WWOX: variants seen among roughly 807,000 people sequenced by gnomAD.
WWOX encodes the protein WW domain containing oxidoreductase, also known as WW domain-containing oxidoreductase.
In WWOX, 69 loss-of-function variants were observed where a neutral mutation model predicts 46.2. That is an observed-to-expected ratio of 1.49 (90% confidence interval 1.23 to 1.82). WWOX has a LOEUF of 1.82. WWOX is among the 40% of genes most tolerant of loss of function. The probability of loss-of-function intolerance (pLI) is 0.00; values close to 1 mark genes in which losing one functional copy is unlikely to be tolerated. For synonymous variants in WWOX, 359 were observed against 202.6 expected (o/e 1.77, Z -6.56); for missense variants, 919 against 542.6 (o/e 1.69, Z -6.89).
intron 8 of WWOX, among the ~76,000 whole-genome samples, chr16:78,589,597 C>T (rs375826800): frequency 2.0e-5 from 3 of 152,140 alleles, no homozygotes; most frequent in Non-Finnish European, 4.4e-5. Flanking sequence ...GGTTAAGTTA[C>T]AGTAGAGAAG....
At chr16:78,448,211 C>A (rs1175071551) in intron 8 of WWOX, among the ~76,000 whole-genome samples, 2 of 152,184 alleles carry the variant, frequency 1.3e-5, no homozygotes, top group African/African-American at 4.8e-5. Context: ...CCCTTCAGCT[C>A]ATTTTCTGAA....
chr16:78,841,480 G>C (rs1282395706), intron 8 of WWOX, among the ~76,000 whole-genome samples: 1 of 152,160 alleles, frequency 6.6e-6, no homozygotes, highest in Non-Finnish European at 1.5e-5. Context: ...TTACACCATG[G>C]AAAGTGGCAA....
At chr16:78,168,374 T>G (rs1340045363) in intron 5 of WWOX, 1 of 151,978 alleles carries the variant, frequency 6.6e-6, no homozygotes, top group Non-Finnish European at 1.5e-5. Context: ...CAAATCCCTG[T>G]CATATGCTGT....
At chr16:79,046,535 C>G (rs996021165) in intron 8 of WWOX, among the ~76,000 whole-genome samples, 9 of 152,186 alleles carry the variant, frequency 5.9e-5, no homozygotes, top group African/African-American at 2.2e-4. Flanking sequence ...GTCTGCCCTT[C>G]TTGTGCATCT....
chr16:78,577,881 G>A (rs974832289), intron 8 of WWOX, among the ~76,000 whole-genome samples: 6 of 152,022 alleles, frequency 3.9e-5, no homozygotes, highest in Non-Finnish European at 7.4e-5. Flanking sequence ...CAGGATTTCC[G>A]TTTGACAGAA....
intron 8 of WWOX, among the ~76,000 whole-genome samples, chr16:78,513,785 AC>A (rs1365514956): frequency 2.0e-5 from 3 of 152,166 alleles, no homozygotes; most frequent in Non-Finnish European, 4.4e-5. Flanking sequence ...TTCCAAACTT[AC>A]GTCACCACTT....
At chr16:78,765,997 G>C (rs1052313199) in intron 8 of WWOX, among the ~76,000 whole-genome samples, 2 of 152,170 alleles carry the variant, frequency 1.3e-5, no homozygotes, top group African/African-American at 4.8e-5. Context: ...AGGAAATACA[G>C]CTGGAGAGAC....
intron 8 of WWOX, among the ~76,000 whole-genome samples, chr16:79,137,495 T>C (rs147966598): frequency 5.1e-4 from 78 of 152,282 alleles, no homozygotes; most frequent in African/African-American, 1.8e-3. Flanking sequence ...GTAGTTTCCT[T>C]TCTCTCACTT....
intron 8 of WWOX, among the ~76,000 whole-genome samples, chr16:79,006,947 T>C (rs896857841): frequency 6.6e-6 from 1 of 152,134 alleles, no homozygotes; most frequent in African/African-American, 2.4e-5. Flanking sequence ...ATCAGCTGAT[T>C]AGCAACGTCA....
intron 8 of WWOX, among the ~76,000 whole-genome samples, chr16:79,024,470 G>T (rs540316217): frequency 6.6e-6 from 1 of 152,070 alleles, no homozygotes; most frequent in Non-Finnish European, 1.5e-5. Flanking sequence ...GTTTTGCTCT[G>T]TTGCCCAGGC....
chr16:79,103,051 C>T (rs929229002), intron 8 of WWOX, among the ~76,000 whole-genome samples: 1 of 152,026 alleles, frequency 6.6e-6, no homozygotes, highest in Non-Finnish European at 1.5e-5. Flanking sequence ...TTGCTTCTTG[C>T]TTTGGGCAAG....
Position 78,632,908 on chromosome 16 carries a change from T to C in WWOX, c.1056+200156T>C, listed in dbSNP as rs118118893. Among the ~76,000 whole-genome samples the C allele has an allele frequency of 7.2e-5, 11 of 151,940 alleles. No homozygotes were observed. In the East Asian group the frequency reaches 2.0e-3, roughly 27 times the overall value. On this transcript the variant is annotated intron_variant, in intron 8 of 8. Coordinates refer to ENST00000566780, the MANE Select transcript of WWOX (RefSeq NM_016373.4). ...GCCTCTCCACCCCTGCTACGTGTAATAGAAAGGTAGGGCCATGTTGGAGAG... is the reference window on the plus strand; with the variant it reads ...GCCTCTCCACCCCTGCTACGTGTAACAGAAAGGTAGGGCCATGTTGGAGAG...
intron 8 of WWOX, chr16:79,106,505 G>A (rs1297926940): frequency 4.0e-5 from 6 of 150,638 alleles, no homozygotes. Flanking sequence ...TTTGGAGTAT[G>A]AGTGCGTATT....
chr16:78,910,207 A>C (rs1020522600), intron 8 of WWOX, among the ~76,000 whole-genome samples: 1 of 152,146 alleles, frequency 6.6e-6, no homozygotes, highest in Non-Finnish European at 1.5e-5. Context: ...CCAAAGAAGC[A>C]TGAACTGTCA....
intron 8 of WWOX, among the ~76,000 whole-genome samples, chr16:78,486,267 C>T (rs1228666415): frequency 6.6e-6 from 1 of 152,148 alleles, no homozygotes; most frequent in East Asian, 1.9e-4. Context: ...TGTGTAGTCC[C>T]ATACCATTTT....
intron 8 of WWOX, among the ~76,000 whole-genome samples, chr16:78,836,868 A>G (rs56062530): frequency 2.0e-5 from 3 of 151,970 alleles, no homozygotes; most frequent in African/African-American, 7.2e-5. Flanking sequence ...ATAGGGGGCC[A>G]AGCAGTAGAT....
chr16:79,169,523 C>A (rs571148149), intron 8 of WWOX, among the ~76,000 whole-genome samples: 11 of 152,332 alleles, frequency 7.2e-5, no homozygotes, highest in Non-Finnish European at 1.3e-4. Flanking sequence ...CACCTCCTGG[C>A]TGTCCTTTTA....
chr16:78,635,933 G>C (rs2046557149), intron 8 of WWOX, among the ~76,000 whole-genome samples: 3 of 152,172 alleles, frequency 2.0e-5, no homozygotes. Flanking sequence ...AGAGCCAAGA[G>C]AGGTCACTGT....
At chr16:78,687,044 A>C (rs2047877998) in intron 8 of WWOX, among the ~76,000 whole-genome samples, 1 of 152,080 alleles carries the variant, frequency 6.6e-6, no homozygotes, top group African/African-American at 2.4e-5. Flanking sequence ...GAGAGTAGGG[A>C]TCATTAAGGA....
Sources: allele counts gnomAD v4.1 joint callset (sites outside exome capture counted in the v4.1 genomes callset), GRCh38; gene constraint gnomAD v4.1.1; transcripts MANE v1.5; gene names NCBI Gene and HGNC (gene_info 2026-07-23, HGNC 2026-07-21).